Variants in RPS6KC1 observed in about 807,000 individuals in gnomAD.
The protein encoded by RPS6KC1 is inactive ribosomal protein S6 kinase delta-1.
In RPS6KC1, 54 loss-of-function variants were observed where a neutral mutation model predicts 103.8. That is an observed-to-expected ratio of 0.52 (90% CI 0.42 to 0.65). The LOEUF (loss-of-function observed/expected upper bound fraction) is 0.65. Among genes scored for constraint, RPS6KC1 ranks in the 30% least tolerant of loss-of-function variants. The pLI, the probability that RPS6KC1 is intolerant of heterozygous loss-of-function variation, is 0.00. For synonymous variants in RPS6KC1, 439 were observed against 438.7 expected (o/e 1.00, Z -0.01); for missense variants, 1,151 against 1,253.8 (o/e 0.92, Z 1.24).
In RPS6KC1 at chr1:213,064,002, A is replaced by G. The variant is rs561053953; in HGVS notation, c.106-7004A>G. 2.0e-5 allele frequency among the ~76,000 whole-genome samples: 3 copies of G among 152,320 alleles called. No homozygotes were observed. The East Asian group carries it at 5.8e-4, about 29-fold the overall frequency. On this transcript the variant is annotated intron_variant, in intron 1 of 14. Transcript: ENST00000366960. The stretch of plus-strand genomic sequence containing the variant: ...CATTTCAAGATATATAGGTAGTACT[A>G]ACTGAATCAGTGGCAGTTAATGCTT...
chr1:213,330,657 C>T, the RPS6KC1 span, among the ~76,000 whole-genome samples: 10 of 152,204 alleles, frequency 6.6e-5, no homozygotes, highest in Admixed American at 2.0e-4. Flanking sequence ...AACCACCCTG[C>T]GCCCCTTCTC....
the RPS6KC1 span, among the ~76,000 whole-genome samples, chr1:213,582,001 C>G: frequency 6.6e-6 from 1 of 151,896 alleles, no homozygotes; most frequent in South Asian, 2.1e-4. Flanking sequence ...TGTACCTGCC[C>G]ACATTGCAAC....
the RPS6KC1 span, among the ~76,000 whole-genome samples, chr1:213,549,612 C>CTTT: frequency 9.9e-4 from 86 of 86,908 alleles, no homozygotes; most frequent in East Asian, 4.5e-3. Context: ...TTTTCTTTTC[C>CTTT]TTTTTTTTTT....
the RPS6KC1 span, among the ~76,000 whole-genome samples, chr1:213,343,391 GTATATATATATATATA>G: frequency 0.013 from 873 of 65,900 alleles, 86 homozygotes; most frequent in Admixed American, 0.041. Flanking sequence ...AGTGTTGTGT[GTATATATATATATATA>G]TATATATATA....
intron 9 of RPS6KC1, among the ~76,000 whole-genome samples, chr1:213,231,135 G>A (rs560491401): frequency 6.6e-6 from 1 of 152,108 alleles, no homozygotes; most frequent in East Asian, 1.9e-4. Flanking sequence ...GAACCATTTT[G>A]TGTTGTTTGA....
At chr1:213,704,385 CAAAAAAAAA>C in the RPS6KC1 span, among the ~76,000 whole-genome samples, 1 of 27,662 alleles carries the variant, frequency 3.6e-5, no homozygotes, top group Admixed American at 4.6e-4. Flanking sequence ...GACTCCGTCT[CAAAAAAAAA>C]AAAAAAAAAA....
At chr1:213,332,981 A>G in the RPS6KC1 span, among the ~76,000 whole-genome samples, 6 of 152,192 alleles carry the variant, frequency 3.9e-5, no homozygotes, top group African/African-American at 1.4e-4. Flanking sequence ...GCTGGACATC[A>G]GATGGGACTT....
the RPS6KC1 span, among the ~76,000 whole-genome samples, chr1:213,759,889 C>G: frequency 6.6e-6 from 1 of 152,208 alleles, no homozygotes; most frequent in Non-Finnish European, 1.5e-5. Context: ...AGCACAGAGC[C>G]AATGCACTCC....
At chr1:213,196,736 G>A (rs2092961974) in intron 8 of RPS6KC1, among the ~76,000 whole-genome samples, 1 of 152,010 alleles carries the variant, frequency 6.6e-6, no homozygotes. Flanking sequence ...TGTTGACTAG[G>A]GTGTCCTTTA....
At chr1:213,589,755 T>A in the RPS6KC1 span, among the ~76,000 whole-genome samples, 1 of 152,170 alleles carries the variant, frequency 6.6e-6, no homozygotes, top group Non-Finnish European at 1.5e-5. Flanking sequence ...CCCATTAACC[T>A]TCTAAGATCC....
the RPS6KC1 span, among the ~76,000 whole-genome samples, chr1:213,700,062 C>T: frequency 1.3e-5 from 2 of 151,694 alleles, no homozygotes; most frequent in African/African-American, 4.8e-5. Context: ...GATGTGACCC[C>T]ATTTGTTCAT....
chr1:213,058,143 G>C (rs533186910), intron 1 of RPS6KC1, among the ~76,000 whole-genome samples: 10 of 142,802 alleles, frequency 7.0e-5, no homozygotes, highest in African/African-American at 1.6e-4. Flanking sequence ...TCGCAGGTGT[G>C]ATCATAGTGT....
chr1:213,184,043 T>A (rs2092414826), intron 8 of RPS6KC1, among the ~76,000 whole-genome samples: 1 of 152,104 alleles, frequency 6.6e-6, no homozygotes, highest in African/African-American at 2.4e-5. Flanking sequence ...AAAGTACGAA[T>A]TACCACCCAA....
chr1:213,572,510 A>G, the RPS6KC1 span, among the ~76,000 whole-genome samples: 10 of 152,232 alleles, frequency 6.6e-5, no homozygotes, highest in African/African-American at 2.4e-4. Context: ...ATTATGTTCC[A>G]GTTATGTTGA....
the RPS6KC1 span, among the ~76,000 whole-genome samples, chr1:213,862,726 AT>A: frequency 1.3e-5 from 2 of 152,218 alleles, no homozygotes; most frequent in African/African-American, 4.8e-5. Context: ...GAGACCACTA[AT>A]TATCAAAATT....
chr1:213,853,374 C>T, the RPS6KC1 span, among the ~76,000 whole-genome samples: 7 of 152,178 alleles, frequency 4.6e-5, no homozygotes, highest in African/African-American at 1.7e-4. Context: ...AACACACAGT[C>T]CTTAACCCCT....
At chr1:213,762,651 T>C in the RPS6KC1 span, among the ~76,000 whole-genome samples, 3 of 152,204 alleles carry the variant, frequency 2.0e-5, no homozygotes, top group South Asian at 2.1e-4. Flanking sequence ...TAATAATAGA[T>C]GTTTATAATG....
At chr1:213,706,603 G>GT in the RPS6KC1 span, among the ~76,000 whole-genome samples, 1 of 152,046 alleles carries the variant, frequency 6.6e-6, no homozygotes, top group Non-Finnish European at 1.5e-5. Context: ...GAATATGCAG[G>GT]TTTGTAACAT....
chr1:213,428,532 C>G, the RPS6KC1 span, among the ~76,000 whole-genome samples: 2 of 68,456 alleles, frequency 2.9e-5, no homozygotes, highest in Non-Finnish European at 3.1e-5. Context: ...TTCTCTCTCT[C>G]TCTCTCTCTT....
Sources: gnomAD v4.1 joint callset for allele counts (sites outside exome capture counted in the v4.1 genomes callset) on GRCh38, gnomAD v4.1.1 for gene constraint, MANE v1.5 for transcripts, NCBI Gene and HGNC (gene_info 2026-07-23, HGNC 2026-07-21) for gene names.